CDC42BPA: variants seen among roughly 807,000 people sequenced by gnomAD.
The protein encoded by CDC42BPA is serine/threonine-protein kinase MRCK alpha.
A neutral mutation model predicts 223.5 loss-of-function variants in CDC42BPA; 80 were observed. The ratio of observed to expected loss-of-function variants is 0.36; its 90% confidence interval spans 0.30 to 0.43. CDC42BPA has a LOEUF of 0.43. CDC42BPA is among the 20% of genes least tolerant of loss of function. The pLI is 1.00. For missense variants in CDC42BPA, 1,743 were observed against 2,099.9 expected (o/e 0.83, Z 3.32); for synonymous variants, 694 against 718.6 (o/e 0.97, Z 0.55).
At chr1:227,045,677 C>T (rs1158381583) in intron 23 of CDC42BPA, among the ~76,000 whole-genome samples, 3 of 152,260 alleles carry the variant, frequency 2.0e-5, no homozygotes, top group Middle Eastern at 3.4e-3. Context: ...TCAAATTTAT[C>T]TTGTGACTCA....
chr1:227,051,478 T>A (rs959750909), intron 22 of CDC42BPA, among the ~76,000 whole-genome samples: 2 of 152,210 alleles, frequency 1.3e-5, no homozygotes, highest in African/African-American at 4.8e-5. Context: ...GTGGCTATTT[T>A]ATTTTTCAGC....
chr1:227,302,740 T>C (rs2148747064), intron 1 of CDC42BPA, among the ~76,000 whole-genome samples: 1 of 152,266 alleles, frequency 6.6e-6, no homozygotes, highest in Non-Finnish European at 1.5e-5. Flanking sequence ...AGAATTCCTA[T>C]CATTCATCAG....
intron 6 of CDC42BPA, among the ~76,000 whole-genome samples, chr1:227,156,102 TAA>T (rs1284935910): frequency 6.6e-6 from 1 of 151,178 alleles, no homozygotes; most frequent in Admixed American, 6.6e-5. Context: ...TGAAATAAAA[TAA>T]AGTTTCTTCA....
At chr1:227,286,731 G>T (rs1421648325) in intron 1 of CDC42BPA, among the ~76,000 whole-genome samples, 1 of 152,136 alleles carries the variant, frequency 6.6e-6, no homozygotes, top group Non-Finnish European at 1.5e-5. Context: ...TTTACAAAGA[G>T]ATTTATTTTG....
chr1:227,178,541 C>G (rs7535202), intron 5 of CDC42BPA: 129,979 of 154,224 alleles, frequency 0.84, 55,072 homozygotes, highest in Middle Eastern at 0.92. Context: ...TGTTGCCCAG[C>G]CTGGAGTGCA....
intron 3 of CDC42BPA, among the ~76,000 whole-genome samples, chr1:227,211,192 C>T (rs1051716351): frequency 6.6e-6 from 1 of 152,128 alleles, no homozygotes; most frequent in African/African-American, 2.4e-5. Flanking sequence ...TGGACACTGG[C>T]ACATATCCCA....
At chr1:227,098,273 T>C (rs1023051074) in intron 15 of CDC42BPA, among the ~76,000 whole-genome samples, 3 of 152,184 alleles carry the variant, frequency 2.0e-5, no homozygotes, top group African/African-American at 7.2e-5. Context: ...CTAAGAAATT[T>C]TTTTCTATCT....
intron 21 of CDC42BPA, among the ~76,000 whole-genome samples, chr1:227,060,717 C>T (rs116354819): frequency 0.074 from 7,023 of 95,538 alleles, 221 homozygotes; most frequent in Non-Finnish European, 0.088. Flanking sequence ...TAAATAGGTA[C>T]TTTTTTTTTT....
intron 1 of CDC42BPA, among the ~76,000 whole-genome samples, chr1:227,267,584 A>G (rs1358401807): frequency 6.6e-6 from 1 of 152,192 alleles, no homozygotes; most frequent in Non-Finnish European, 1.5e-5. Flanking sequence ...ACACTTCTAT[A>G]AAGATACTAC....
chr1:227,182,718 C>T (rs1489941404), intron 5 of CDC42BPA: 1 of 152,124 alleles, frequency 6.6e-6, no homozygotes, highest in African/African-American at 2.4e-5. Flanking sequence ...AGTATTGTAT[C>T]TGGGTGTGTT....
intron 26 of CDC42BPA, among the ~76,000 whole-genome samples, chr1:227,033,723 AC>A (rs1172519217): frequency 2.0e-5 from 3 of 152,122 alleles, no homozygotes; most frequent in Non-Finnish European, 4.4e-5. Flanking sequence ...CCTCCAGTGG[AC>A]CCTCTTGCCT....
intron 5 of CDC42BPA, 55 bp downstream of exon 5, chr1:227,193,731 G>C: frequency 7.4e-7 from 1 of 1,350,586 alleles, no homozygotes; most frequent in East Asian, 2.6e-5. Context: ...ATAGGCCTCT[G>C]TTGCTAGATA....
intron 1 of CDC42BPA, among the ~76,000 whole-genome samples, chr1:227,297,817 C>T (rs892779060): frequency 6.2e-4 from 94 of 151,580 alleles, no homozygotes; most frequent in Non-Finnish European, 1.9e-4. Context: ...TTAATGGATA[C>T]AGAGCTTCTG....
At chr1:227,108,614 G>A (rs1433132153) in intron 14 of CDC42BPA, among the ~76,000 whole-genome samples, 1 of 152,096 alleles carries the variant, frequency 6.6e-6, no homozygotes, top group East Asian at 1.9e-4. Flanking sequence ...TTGTCTCTCA[G>A]TATCCATAGG....
chr1:227,013,395 C>T (rs1665584514), intron 34 of CDC42BPA, among the ~76,000 whole-genome samples: 1 of 149,736 alleles, frequency 6.7e-6, no homozygotes. Context: ...CTTTTTATCT[C>T]TTTTTTTTTC....
intron 5 of CDC42BPA, among the ~76,000 whole-genome samples, chr1:227,184,615 T>C (rs910876774): frequency 3.9e-5 from 6 of 152,120 alleles, no homozygotes; most frequent in African/African-American, 1.4e-4. Flanking sequence ...TCCACTTTAT[T>C]CTCCTTTTTC....
rs1553414404 is a variant in CDC42BPA at position 227,244,500 on chromosome 1, G to GA, written c.270+9563_270+9564insT. ...GAAGTGATTATTCACATGGTGGGGG[G>GA]GGGCAATGGGAGCCTATCAGAATGC... On this transcript the variant is annotated intron_variant, in intron 2 of 36. Transcript: ENST00000366766. Among the ~76,000 whole-genome samples the GA allele has an allele frequency of 1.3e-4, 19 of 150,586 alleles. No homozygotes were observed. The East Asian group carries it at 2.9e-3, about 23-fold the overall frequency.
At chr1:227,193,645 CA>C in intron 5 of CDC42BPA, 140 bp downstream of exon 5, 1 of 670,514 alleles carries the variant, frequency 1.5e-6, no homozygotes, top group Non-Finnish European at 2.4e-6. Context: ...GCAAAACAAC[CA>C]AAATCATCTC....
intron 1 of CDC42BPA, among the ~76,000 whole-genome samples, chr1:227,272,547 GA>G (rs1032617324): frequency 5.3e-5 from 8 of 151,832 alleles, no homozygotes; most frequent in Non-Finnish European, 1.0e-4. Context: ...AATATAGTAA[GA>G]AAAAAAAGAA....
Sources: allele counts gnomAD v4.1 joint callset (sites outside exome capture counted in the v4.1 genomes callset), GRCh38; gene constraint gnomAD v4.1.1; transcripts MANE v1.5; gene names NCBI Gene and HGNC (gene_info 2026-07-23, HGNC 2026-07-21).